GCNT2: variants seen among roughly 807,000 people sequenced by gnomAD.
GCNT2 encodes the protein glucosaminyl (N-acetyl) transferase 2 (I blood group), also known as N-acetyllactosaminide beta-1,6-N-acetylglucosaminyl-transferase.
In GCNT2, 34 loss-of-function variants were observed where a neutral mutation model predicts 34.2. The observed-to-expected ratio is 1.00, with a 90% CI of 0.76 to 1.32. The LOEUF (loss-of-function observed/expected upper bound fraction) is 1.32, where lower values mean the gene tolerates loss of function less well. GCNT2 is among the 40% of genes most tolerant of loss of function. The pLI, the probability that GCNT2 is intolerant of heterozygous loss-of-function variation, is 0.00. For missense variants in GCNT2, 584 were observed against 489.4 expected, an observed-to-expected ratio of 1.19 and a Z score of -1.82; for synonymous variants, 212 against 188.0, an observed-to-expected ratio of 1.13 and a Z score of -1.04.
chr6:10,546,349 A>C (rs1021184819), intron 3 of GCNT2, among the ~76,000 whole-genome samples: 15 of 152,144 alleles, frequency 9.9e-5, no homozygotes, highest in Admixed American at 5.9e-4. Flanking sequence ...TGACTCCCCT[A>C]AAACTCAACT....
rs953206136 is a variant in GCNT2, at chr6:10,557,532, G to C, written c.925+27696G>C. The stretch of plus-strand genomic sequence containing the variant: ...AGACTGGATCTCACTCTGTGGCCCA[G>C]GCTGGAGTGCAGGGGCAACATCATG... On this transcript the variant is annotated intron_variant, in intron 3 of 4. Transcript: ENST00000495262. 2.0e-5 allele frequency among the ~76,000 whole-genome samples: 3 copies of C among 151,646 alleles called. No individual in the cohort carries two copies. The East Asian group carries it at 5.8e-4, about 29-fold the overall frequency.
chr6:10,550,254 A>G (rs1023190373), intron 3 of GCNT2, among the ~76,000 whole-genome samples: 3 of 152,098 alleles, frequency 2.0e-5, no homozygotes, highest in East Asian at 1.9e-4. Context: ...GGGTTTCGCC[A>G]TGTTAGCCAG....
At chr6:10,550,987 A>G (rs371188694) in intron 3 of GCNT2, among the ~76,000 whole-genome samples, 62 of 152,338 alleles carry the variant, frequency 4.1e-4, no homozygotes, top group East Asian at 1.9e-3. Context: ...TAATACAATT[A>G]ATGAGTCAGT....
At chr6:10,585,403 A>T (rs1272629109) in intron 3 of GCNT2, among the ~76,000 whole-genome samples, 3 of 152,158 alleles carry the variant, frequency 2.0e-5, no homozygotes, top group Non-Finnish European at 4.4e-5. Context: ...TAACACTAAA[A>T]TGAAAAGAGG....
chr6:10,621,064 C>G (rs942352886), intron 3 of GCNT2, among the ~76,000 whole-genome samples: 103 of 152,154 alleles, frequency 6.8e-4, no homozygotes, highest in African/African-American at 2.4e-3. Context: ...ACCCCTCAAC[C>G]GAATTAGGTA....
chr6:10,567,399 A>G (rs913443824), intron 3 of GCNT2, among the ~76,000 whole-genome samples: 25 of 152,314 alleles, frequency 1.6e-4, no homozygotes, highest in African/African-American at 4.3e-4. Flanking sequence ...GAAGGCTGCA[A>G]TGAGCTAGGA....
At chr6:10,581,787 A>T (rs1028146697) in intron 3 of GCNT2, 116 of 984,866 alleles carry the variant, frequency 1.2e-4, no homozygotes, top group Non-Finnish European at 1.2e-4. Flanking sequence ...CTCTTTTCTC[A>T]CTCCAACTTT....
intron 4 of GCNT2, among the ~76,000 whole-genome samples, chr6:10,625,047 C>G (rs1400049606): frequency 6.6e-6 from 1 of 152,136 alleles, no homozygotes; most frequent in Non-Finnish European, 1.5e-5. Flanking sequence ...GTCATTCTTT[C>G]ACTTCCTACA....
intron 3 of GCNT2, among the ~76,000 whole-genome samples, chr6:10,613,040 A>C (rs973240328): frequency 6.6e-6 from 1 of 152,228 alleles, no homozygotes; most frequent in Non-Finnish European, 1.5e-5. Context: ...TAACATTTAA[A>C]AACAAAATTC....
At position 10,527,997 on chromosome 6, in the gene GCNT2, A is replaced by C. The variant is rs534420486; in HGVS notation, c.-282+337A>C. On this transcript the variant is annotated intron_variant, in intron 2 of 4. Transcript: ENST00000495262. ...CATCAGGGTTCTCTGTCTGCATCCT[A>C]TGCGGACCAGGGCAAAATAAACTTG... Among the ~76,000 whole-genome samples, 4 of 152,224 alleles carry C rather than the reference A, an allele frequency of 2.6e-5. No homozygotes were observed. The East Asian group carries it at 7.7e-4, about 29-fold the overall frequency.
chr6:10,559,039 C>A (rs1281305256), intron 3 of GCNT2, among the ~76,000 whole-genome samples: 1 of 147,934 alleles, frequency 6.8e-6, no homozygotes, highest in East Asian at 2.0e-4. Flanking sequence ...GAGATGAGGG[C>A]ATTTCATAAG....
rs550652937 is a variant in GCNT2 at position 10,548,794 on chromosome 6, T to C, written c.925+18958T>C. 8.0e-4 allele frequency among the ~76,000 whole-genome samples: 121 copies of C among 152,064 alleles called. 2 individuals carry two copies. Among genetic ancestry groups the C allele is most frequent in the Non-Finnish European group, 1.6e-3 (107 of 68,004 alleles). On this transcript the variant is annotated intron_variant, in intron 3 of 4. Coordinates refer to ENST00000495262, the MANE Select transcript of GCNT2 (RefSeq NM_145649.5). Reference sequence around the variant, plus strand: ...TTTTTTTTTTGAGACGAAGTCTCGCTGTCACCCAGACTGGAGTGCAATGGC... The same window carrying C: ...TTTTTTTTTTGAGACGAAGTCTCGCCGTCACCCAGACTGGAGTGCAATGGC...
intron 3 of GCNT2, chr6:10,556,144 C>A (rs1193742171): frequency 7.5e-7 from 1 of 1,325,154 alleles, no homozygotes; most frequent in East Asian, 3.4e-5. Context: ...CAGATGCAAA[C>A]GGGGAGGCAG....
rs770731583 is a variant in GCNT2 at position 10,557,390 on chromosome 6, A to T, written c.925+27554A>T. 3 of 1,480,440 alleles carry T rather than the reference A, an allele frequency of 2.0e-6. No individual in the cohort carries two copies. The South Asian group carries it at 3.4e-5, about 17-fold the overall frequency. The allele number at this position is 1,480,440 out of a possible 1,614,324, so 91.7% of individuals were successfully genotyped here. A position where few individuals can be genotyped will look rare whatever the true frequency, so the allele number is the denominator to read the frequency against. ...TGCAAAAGAAATGTGTCGTATTTGA[A>T]AGGGCTTTAGAATAACCAGCCACTT... On this transcript the variant is annotated intron_variant, in intron 3 of 4. Transcript: ENST00000495262.
At chr6:10,608,252 T>A (rs1445948916) in intron 3 of GCNT2, among the ~76,000 whole-genome samples, 1 of 152,082 alleles carries the variant, frequency 6.6e-6, no homozygotes, top group Non-Finnish European at 1.5e-5. Flanking sequence ...TAATTTTGTA[T>A]TTTTAGTAGA....
chr6:10,558,723 TG>T, intron 3 of GCNT2, among the ~76,000 whole-genome samples: 1 of 152,374 alleles, frequency 6.6e-6, no homozygotes, highest in Non-Finnish European at 1.5e-5. Context: ...CAGGGCCTGC[TG>T]GGCGATAAAC....
intron 3 of GCNT2, among the ~76,000 whole-genome samples, chr6:10,574,111 GTTC>G (rs1561810420): frequency 5.9e-5 from 9 of 152,168 alleles, no homozygotes; most frequent in Non-Finnish European, 1.2e-4. Flanking sequence ...TGGGGTCAGC[GTTC>G]TTAATGTCTC....
chr6:10,531,175 C>T (rs1761470176), intron 3 of GCNT2, among the ~76,000 whole-genome samples: 1 of 152,180 alleles, frequency 6.6e-6, no homozygotes, highest in Non-Finnish European at 1.5e-5. Context: ...GTCTCCTAAG[C>T]CTGATGTTCT....
intron 3 of GCNT2, among the ~76,000 whole-genome samples, chr6:10,535,040 C>T (rs971415505): frequency 4.6e-5 from 7 of 151,986 alleles, no homozygotes; most frequent in Admixed American, 1.3e-4. Context: ...AAAAATTAAC[C>T]GGGTGTGGTG....
Sources: gnomAD v4.1 joint callset for allele counts (sites outside exome capture counted in the v4.1 genomes callset) on GRCh38, gnomAD v4.1.1 for gene constraint, MANE v1.5 for transcripts, NCBI Gene and HGNC (gene_info 2026-07-23, HGNC 2026-07-21) for gene names.